Variants in ATG5 observed in about 807,000 individuals in gnomAD.
ATG5 encodes the protein autophagy protein 5.
ATG5 carries 14 observed loss-of-function variants against 36.5 expected under a neutral mutation model. The observed-to-expected ratio is 0.38, with a 90% CI of 0.25 to 0.60. The LOEUF (loss-of-function observed/expected upper bound fraction) is 0.60. Among genes scored for constraint, ATG5 ranks in the 20% least tolerant of loss-of-function variants. ATG5 has a pLI of 0.60. For missense variants in ATG5, 195 were observed against 326.7 expected (o/e 0.60, Z 3.11); for synonymous variants, 95 against 101.5 (o/e 0.94, Z 0.38).
At chr6:106,292,242 G>A (rs1032459957) in intron 4 of ATG5, among the ~76,000 whole-genome samples, 1 of 152,092 alleles carries the variant, frequency 6.6e-6, no homozygotes, top group Admixed American at 6.5e-5. Context: ...CCGACATGGT[G>A]GAATCATTGC....
intron 5 of ATG5, among the ~76,000 whole-genome samples, chr6:106,266,161 G>T (rs905549437): frequency 4.0e-5 from 6 of 151,710 alleles, no homozygotes; most frequent in African/African-American, 1.5e-4. Flanking sequence ...ATGATAAAGG[G>T]GATATCATCA....
At chr6:106,301,464 A>G (rs1250194611) in intron 3 of ATG5, among the ~76,000 whole-genome samples, 1 of 152,044 alleles carries the variant, frequency 6.6e-6, no homozygotes, top group Non-Finnish European at 1.5e-5. Context: ...TGATACTCTC[A>G]AAATCTGGGT....
intron 6 of ATG5, among the ~76,000 whole-genome samples, chr6:106,244,174 T>C (rs1238434721): frequency 1.3e-5 from 2 of 152,154 alleles, no homozygotes; most frequent in Non-Finnish European, 2.9e-5. Flanking sequence ...CATTGTTTTA[T>C]CAGCTTCTTG....
chr6:106,213,026 C>T lies in ATG5; in HGVS notation c.574-10937G>A, dbSNP rs11970505. ...AAGCTTTGGTTTTACCTATGTTTAA[C>T]AAAAGCATAGGTACAACAACGACTA... On this transcript the variant is annotated intron_variant, in intron 6 of 7. Transcript: ENST00000369076. 1.7e-3 allele frequency among the ~76,000 whole-genome samples: 252 copies of T among 152,234 alleles called. 1 individual carries two copies. The highest frequency in any genetic ancestry group is 5.3e-3 in the African/African-American group (219 of 41,560).
chr6:106,299,134 C>T (rs191092671), intron 3 of ATG5, among the ~76,000 whole-genome samples: 1 of 152,254 alleles, frequency 6.6e-6, no homozygotes, highest in Admixed American at 6.5e-5. Context: ...ACCCTTGGTA[C>T]GTGTGGGGAT....
rs1780463698 is a variant in ATG5 at position 106,294,723 on chromosome 6, G to T, written c.237-1617C>A. On this transcript the variant is annotated intron_variant, in intron 3 of 7. Transcript: ENST00000369076. ...CTGGGCATGATGGCACACACCTGCA[G>T]CCCTAGCTACTCAGGAGGCTGAGGC... Among the ~76,000 whole-genome samples, 4 of 151,306 alleles carry T rather than the reference G, an allele frequency of 2.6e-5. No homozygotes were observed. The South Asian group carries it at 8.4e-4, about 32-fold the overall frequency.
intron 6 of ATG5, among the ~76,000 whole-genome samples, chr6:106,222,553 G>A (rs562218179): frequency 2.6e-5 from 4 of 152,286 alleles, no homozygotes; most frequent in African/African-American, 4.8e-5. Flanking sequence ...GTAAGCAACC[G>A]AAAAGGAAGA....
chr6:106,231,508 G>A (rs1346612908), intron 6 of ATG5, among the ~76,000 whole-genome samples: 5 of 151,956 alleles, frequency 3.3e-5, no homozygotes, highest in Admixed American at 6.6e-5. Context: ...GCTAACTTGC[G>A]TGCTAGAAGG....
At chr6:106,302,419 A>ATT (rs1469446230) in intron 3 of ATG5, among the ~76,000 whole-genome samples, 1 of 152,078 alleles carries the variant, frequency 6.6e-6, no homozygotes, top group Non-Finnish European at 1.5e-5. Context: ...GTTCTTGAGG[A>ATT]CAATAACAAT....
intron 4 of ATG5, among the ~76,000 whole-genome samples, chr6:106,282,356 C>T (rs1405557640): frequency 1.3e-5 from 2 of 152,322 alleles, no homozygotes; most frequent in Middle Eastern, 6.8e-3. Flanking sequence ...ATTTCTCATA[C>T]ATTTTACCTG....
chr6:106,257,148 T>C (rs1329508516), intron 5 of ATG5, among the ~76,000 whole-genome samples: 1 of 152,154 alleles, frequency 6.6e-6, no homozygotes, highest in African/African-American at 2.4e-5. Flanking sequence ...CCTCCACATC[T>C]TGTCCCACTG....
Position 106,201,990 on chromosome 6 carries a change from A to C in ATG5, c.673T>G (p.Ser225Ala). Residue 225 changes from serine (S) to alanine (A), a missense_variant, in exon 7 of 8, where the codon TCT becomes GCT. Physicochemically the swap from Ser to Ala is moderately conservative, Grantham distance 99. Transcript: ENST00000369076. ...LGDLLKEVCPSAIDPEDGEKK... is the reference protein window; with the variant it reads ...LGDLLKEVCPAAIDPEDGEKK... ...GTATTACCTTCAGGATCAATAGCAG[A>C]AGGACAAACTTCTTTGAGGAGATCT... 1 of 1,611,698 alleles carries C rather than the reference A, an allele frequency of 6.2e-7. No individual in the cohort carries two copies. Among genetic ancestry groups the C allele is most frequent in the Non-Finnish European group, 8.5e-7 (1 of 1,178,456 alleles).
chr6:106,316,793 C>T (rs965744248), intron 1 of ATG5, among the ~76,000 whole-genome samples: 1 of 152,184 alleles, frequency 6.6e-6, no homozygotes, highest in African/African-American at 2.4e-5. Flanking sequence ...ATTCCCCATT[C>T]TAAATTTCAT....
intron 6 of ATG5, among the ~76,000 whole-genome samples, chr6:106,206,893 C>A (rs1053058910): frequency 6.6e-6 from 1 of 152,064 alleles, no homozygotes; most frequent in African/African-American, 2.4e-5. Context: ...TTTTAAATCT[C>A]CACAAATAGG....
intron 6 of ATG5, among the ~76,000 whole-genome samples, chr6:106,224,802 A>T (rs939543704): frequency 6.6e-6 from 1 of 152,048 alleles, no homozygotes; most frequent in Non-Finnish European, 1.5e-5. Context: ...AATCGCTTGA[A>T]CCCGGGAGGC....
intron 4 of ATG5, among the ~76,000 whole-genome samples, chr6:106,289,284 T>C (rs1190995032): frequency 6.6e-6 from 1 of 152,094 alleles, no homozygotes; most frequent in Non-Finnish European, 1.5e-5. Flanking sequence ...TATAAGGCAG[T>C]ACAATAGAGG....
At chr6:106,211,953 T>G (rs907009477) in intron 6 of ATG5, among the ~76,000 whole-genome samples, 2 of 152,220 alleles carry the variant, frequency 1.3e-5, no homozygotes, top group East Asian at 3.8e-4. Context: ...TAAGTAAAAT[T>G]TATTTGATTT....
intron 3 of ATG5, among the ~76,000 whole-genome samples, chr6:106,298,661 G>C (rs1770079644): frequency 6.6e-6 from 1 of 152,066 alleles, no homozygotes; most frequent in African/African-American, 2.4e-5. Flanking sequence ...AAAAACGAAG[G>C]AGTAAGATAA....
At chr6:106,226,504 TAAGAGAGTTATTTTA>T (rs1470047583) in intron 6 of ATG5, among the ~76,000 whole-genome samples, 1 of 152,128 alleles carries the variant, frequency 6.6e-6, no homozygotes, top group African/African-American at 2.4e-5. Flanking sequence ...ACAAAGACTT[TAAGAGAGTTATTTTA>T]AATATGCGCA....
Sources: gnomAD v4.1 joint callset for allele counts (sites outside exome capture counted in the v4.1 genomes callset) on GRCh38, gnomAD v4.1.1 for gene constraint, MANE v1.5 for transcripts, NCBI Gene and HGNC (gene_info 2026-07-23, HGNC 2026-07-21) for gene names.